The following RFNG variants were observed in gnomAD, a reference collection of about 807,000 sequenced individuals.
RFNG encodes the protein RFNG O-fucosylpeptide 3-beta-N-acetylglucosaminyltransferase, also known as beta-1,3-N-acetylglucosaminyltransferase radical fringe.
RFNG carries 37 observed loss-of-function variants against 29.6 expected under a neutral mutation model. The observed-to-expected ratio is 1.25, with a 90% confidence interval of 0.96 to 1.65. The LOEUF (loss-of-function observed/expected upper bound fraction) is 1.65. Ranked by LOEUF, RFNG falls within the 40% of genes most tolerant of loss-of-function variation. The probability of loss-of-function intolerance (pLI) is 0.00; values close to 1 mark genes in which losing one functional copy is unlikely to be tolerated. For synonymous variants in RFNG, 276 were observed against 197.3 expected, an observed-to-expected ratio of 1.40 and a Z score of -3.34; for missense variants, 546 against 457.0, an observed-to-expected ratio of 1.19 and a Z score of -1.78.
intron 6 of RFNG, 186 bp from the exon 7 acceptor site, chr17:82,049,302 C>T (rs1260885949): frequency 1.6e-5 from 11 of 705,868 alleles, no homozygotes; most frequent in Middle Eastern, 2.3e-4. Flanking sequence ...CAGGCAGAGC[C>T]TGGGGGACAG....
At chr17:82,049,499 C>T (rs1056863855) in intron 6 of RFNG, 178 bp downstream of exon 6, 5 of 767,786 alleles carry the variant, frequency 6.5e-6, no homozygotes, top group African/African-American at 1.7e-5. Context: ...CATACCCCAT[C>T]TGTACGTGAG....
chr17:82,050,609 C>T, intron 3 of RFNG, 53 bp downstream of exon 3: 11 of 1,607,668 alleles, frequency 6.8e-6, no homozygotes, highest in Non-Finnish European at 9.4e-6. Context: ...GGACAGGAGG[C>T]CCCCACCCAG....
Position 82,048,746 on chromosome 17 carries a change from C to G in RFNG, c.976G>C (p.Gly326Arg), listed in dbSNP as rs749948798. ...DTDWCPRQKQ[G>R]APTSR ...TGGTGTCACCGAGAGGTCGGGGCGC[C>G]CTGTTTCTGCCTGGGACACCAGTCC... Residue 326 changes from glycine (G) to arginine (R), a missense_variant, in exon 8 of 8, where the codon GGC becomes CGC. Gly to Arg is a moderately radical substitution (Grantham distance 125). Coordinates refer to ENST00000310496, the MANE Select transcript of RFNG (RefSeq NM_002917.2). 6.2e-7 allele frequency: 1 copy of G among 1,612,974 alleles called. No homozygotes were observed. The highest frequency in any genetic ancestry group is 1.7e-5 in the Admixed American group (1 of 59,990).
chr17:82,050,144 A>G, intron 4 of RFNG, 138 bp from the exon 5 acceptor site: 2 of 843,066 alleles, frequency 2.4e-6, no homozygotes, highest in South Asian at 1.7e-5. Flanking sequence ...TGGAGCAAAA[A>G]GAGCCGGGGG....
At chr17:82,049,375 T>C (rs981317402) in intron 6 of RFNG, 10 of 698,308 alleles carry the variant, frequency 1.4e-5, no homozygotes, top group African/African-American at 1.4e-4. Context: ...CTCCACGTGA[T>C]GGGACCTGTT....
At position 82,050,753 on chromosome 17, in the gene RFNG, T is replaced by C. The variant is rs750576013; in HGVS notation, c.328A>G (p.Ile110Val). The change falls in exon 3 of 8, where the codon ATC becomes GTC. Residue 110 changes from isoleucine to valine, a missense_variant. By Grantham distance (29) the Ile-to-Val change is conservative. Transcript: ENST00000310496. Reference sequence around the variant, plus strand: ...CGCACCGCCGAGCAGTTGGTGTTGATGACACGGTCGCCTGCGAATCAGAGA... The same window carrying C: ...CGCACCGCCGAGCAGTTGGTGTTGACGACACGGTCGCCTGCGAATCAGAGA... ...ELELQGGDRV[I>V]NTNCSAVRTR... is the part of the protein sequence containing the mutation. The C allele has an allele frequency of 6.2e-7, 1 of 1,613,014 alleles. No individual in the cohort carries two copies. The highest frequency in any genetic ancestry group is 8.5e-7 in the Non-Finnish European group (1 of 1,179,906).
chr17:82,051,495 C>T lies in RFNG; in HGVS notation c.267+5G>A. 1 of 1,370,946 alleles carries T rather than the reference C, an allele frequency of 7.3e-7. No homozygotes were observed. The highest frequency in any genetic ancestry group is 9.4e-7 in the Non-Finnish European group (1 of 1,059,084). The allele number at this position is 1,370,946 out of a possible 1,614,324, so 84.9% of individuals were successfully genotyped here. ...GCTCGCCGTCGGGGTCGGGGTCCGG[C>T]GCACCTGCTGGCGGGCCCGGGAGAT... On this transcript the variant is annotated splice_donor_5th_base_variant and intron_variant, in intron 1 of 7. Coordinates refer to ENST00000310496, the MANE Select transcript of RFNG (RefSeq NM_002917.2). This position sits in a 1 kb window ranked among gnomAD's most constrained non-coding sequence, Gnocchi z 4.1.
At position 82,051,310 on chromosome 17, in the gene RFNG, C is replaced by G. The variant is rs772019437; in HGVS notation, c.300G>C (p.Glu100Asp). Reference sequence around the variant, plus strand: ...GACACTCACCGCCCTGGAGCTCGAGCTCAGGGTCGTCCCCGTCGGTGAAGA... The same window carrying G: ...GACACTCACCGCCCTGGAGCTCGAGGTCAGGGTCGTCCCCGTCGGTGAAGA... ...TFIFTDGDDPELELQGGDRVI... is the reference protein window; with the variant it reads ...TFIFTDGDDPDLELQGGDRVI... The change falls in exon 2 of 8, where the codon GAG (glutamate) becomes GAC (aspartate). Residue 100 changes from glutamate (E) to aspartate (D), a missense_variant. Coordinates refer to ENST00000310496, the MANE Select transcript of RFNG (RefSeq NM_002917.2). The surrounding 1 kb of genome is among the most constrained non-coding windows in gnomAD (Gnocchi z 4.1). The G allele has an allele frequency of 7.0e-7, 1 of 1,436,150 alleles. No homozygotes were observed. Among genetic ancestry groups the G allele is most frequent in the Non-Finnish European group, 9.1e-7 (1 of 1,099,522 alleles). The allele number at this position is 1,436,150 out of a possible 1,614,324, so 89.0% of individuals were successfully genotyped here.
In RFNG at chr17:82,051,639, G is replaced by C. The variant is rs1338785069; in HGVS notation, c.128C>G (p.Pro43Arg). 6 of 1,098,720 alleles carry C rather than the reference G, an allele frequency of 5.5e-6. No individual in the cohort carries two copies. The African/African-American group carries it at 8.4e-5, about 15-fold the overall frequency. 68.1% of individuals were successfully genotyped at this position (1,098,720 alleles called of 1,614,324 possible). A position where few individuals can be genotyped will look rare whatever the true frequency, so the allele number is the denominator to read the frequency against. The change falls in exon 1 of 8, where the codon CCG becomes CGG. Residue 43 changes from proline to arginine, a missense_variant. Transcript: ENST00000310496. This position sits in a 1 kb window ranked among gnomAD's most constrained non-coding sequence, Gnocchi z 4.1. ...PAPARTPAPAPRAPPSRPAAP... is the reference protein window; with the variant it reads ...PAPARTPAPARRAPPSRPAAP... The stretch of plus-strand genomic sequence containing the variant: ...AGCGGGCCGGGACGGGGGCGCGCGC[G>C]GGGCCGGGGCGGGGGTCCGGGCCGG...
intron 4 of RFNG, 141 bp from the exon 5 acceptor site, chr17:82,050,147 G>A (rs1317913883): frequency 6.0e-6 from 5 of 832,490 alleles, no homozygotes; most frequent in Non-Finnish European, 7.6e-6. Flanking sequence ...AGCAAAAAGA[G>A]CCGGGGGCTT....
rs922563757 is a variant in RFNG at position 82,048,527 on chromosome 17, C to G, written c.*199G>C. 3.4e-6 allele frequency: 2 copies of G among 593,572 alleles called. No individual in the cohort carries two copies. Among genetic ancestry groups the G allele is most frequent in the African/African-American group, 3.7e-5 (2 of 53,624 alleles). 36.8% of individuals were successfully genotyped at this position (593,572 alleles called of 1,614,324 possible). On this transcript the variant is annotated 3_prime_UTR_variant, in exon 8 of 8. Transcript: ENST00000310496. ...CCCTGGCCATCAGCCTGGCTGTCTTCGTTCTCCCAAAACACCCATCACCGC... is the reference window on the plus strand; with the variant it reads ...CCCTGGCCATCAGCCTGGCTGTCTTGGTTCTCCCAAAACACCCATCACCGC...
At chr17:82,050,815 GGGTAA>G in intron 2 of RFNG, 51 bp from the exon 3 acceptor site, 1 of 1,575,770 alleles carries the variant, frequency 6.3e-7, no homozygotes, top group South Asian at 1.1e-5. Flanking sequence ...ACTGGGGTTG[GGGTAA>G]GGCCTGTGCC....
At position 82,050,745 on chromosome 17, in the gene RFNG, G is replaced by A. The variant is rs946808089; in HGVS notation, c.336C>T (p.Thr112=). 1.7e-5 allele frequency: 28 copies of A among 1,612,978 alleles called. No individual in the cohort carries two copies. The highest frequency in any genetic ancestry group is 2.3e-5 in the Non-Finnish European group (27 of 1,179,928). ...ELQGGDRVIN[T]NCSAVRTRQA... Reference sequence around the variant, plus strand: ...GACGAGTGCGCACCGCCGAGCAGTTGGTGTTGATGACACGGTCGCCTGCGA... The same window carrying A: ...GACGAGTGCGCACCGCCGAGCAGTTAGTGTTGATGACACGGTCGCCTGCGA... Residue 112 remains threonine (T), a synonymous_variant, in exon 3 of 8, where the codon ACC becomes ACT. Coordinates refer to ENST00000310496, the MANE Select transcript of RFNG (RefSeq NM_002917.2).
intron 6 of RFNG, 174 bp downstream of exon 6, chr17:82,049,503 A>G: frequency 1.3e-6 from 1 of 776,434 alleles, no homozygotes; most frequent in South Asian, 1.5e-5. Context: ...CCCCATCTGT[A>G]CGTGAGGACC....
rs968373288 is a variant in RFNG at position 82,050,736 on chromosome 17, C to T, written c.345G>A (p.Ser115=). 6.2e-7 allele frequency: 1 copy of T among 1,613,034 alleles called. No homozygotes were observed. The highest frequency in any genetic ancestry group is 1.3e-5 in the African/African-American group (1 of 74,926). ...GGDRVINTNC[S]AVRTRQALCC... is the part of the protein sequence containing the mutation. Reference sequence around the variant, plus strand: ...AGAGGGCCTGACGAGTGCGCACCGCCGAGCAGTTGGTGTTGATGACACGGT... The same window carrying T: ...AGAGGGCCTGACGAGTGCGCACCGCTGAGCAGTTGGTGTTGATGACACGGT... Residue 115 remains serine, a synonymous_variant, in exon 3 of 8, where the codon TCG becomes TCA. Transcript: ENST00000310496.
intron 4 of RFNG, 62 bp downstream of exon 4, chr17:82,050,340 G>A (rs2030295300): frequency 1.3e-6 from 2 of 1,502,416 alleles, no homozygotes; most frequent in Admixed American, 2.2e-5. Flanking sequence ...GCCCTCTGCT[G>A]TGCCTCCCGG....
Position 82,048,412 on chromosome 17 carries a change from C to T in RFNG, c.*314G>A, listed in dbSNP as rs61744671. ...GCAACAGGTAATGGAGCCCGGATGG[C>T]AGCTCCCTCCCAGGTGCGCAAGTGC... is the stretch of plus-strand genomic sequence containing the variant. On this transcript the variant is annotated 3_prime_UTR_variant, in exon 8 of 8. Transcript: ENST00000310496. 1,308 of 397,452 alleles carry T rather than the reference C, an allele frequency of 3.3e-3. 14 individuals are homozygous for T. The highest frequency in any genetic ancestry group is 0.025 in the African/African-American group (1,226 of 48,860). 24.6% of individuals were successfully genotyped at this position (397,452 alleles called of 1,614,324 possible). A position where few individuals can be genotyped will look rare whatever the true frequency, so the allele number is the denominator to read the frequency against.
At chr17:82,049,244 C>T (rs762883709) in intron 6 of RFNG, 128 bp from the exon 7 acceptor site, 2 of 768,720 alleles carry the variant, frequency 2.6e-6, no homozygotes. Context: ...GGAGGCCAGG[C>T]TTGGAAACAG....
intron 7 of RFNG, 78 bp from the exon 8 acceptor site, chr17:82,048,885 C>T (rs866851454): frequency 2.1e-6 from 3 of 1,446,176 alleles, no homozygotes; most frequent in Non-Finnish European, 1.9e-6. Context: ...GGCGGGAGAA[C>T]CTGGGGTCAG....
Sources: allele counts gnomAD v4.1 joint callset, GRCh38; gene constraint gnomAD v4.1.1; non-coding constraint Gnocchi (gnomAD v3.1); transcripts MANE v1.5; gene names NCBI Gene and HGNC (gene_info 2026-07-23, HGNC 2026-07-21).